ABI1: variants seen among roughly 807,000 people sequenced by gnomAD.
The protein encoded by ABI1 is Abelson interactor 1.
In ABI1, 14 loss-of-function variants were observed where a neutral mutation model predicts 54.6. The ratio of observed to expected loss-of-function variants is 0.26; its 90% CI spans 0.17 to 0.40. The LOEUF (loss-of-function observed/expected upper bound fraction) is 0.40, where lower values mean the gene tolerates loss of function less well. Ranked by LOEUF, ABI1 falls within the 10% of genes least tolerant of loss-of-function variation. ABI1 has a pLI of 1.00. For missense variants in ABI1, 443 were observed against 598.3 expected, an observed-to-expected ratio of 0.74 and a Z score of 2.71; for synonymous variants, 194 against 209.3, an observed-to-expected ratio of 0.93 and a Z score of 0.63.
chr10:26,758,172 G>A (rs1238959404), intron 8 of ABI1, among the ~76,000 whole-genome samples: 1 of 149,994 alleles, frequency 6.7e-6, no homozygotes, highest in Non-Finnish European at 1.5e-5. Context: ...AACCTCCTAT[G>A]TAAATATGGA....
intron 6 of ABI1, 21 bp from the exon 7 acceptor site, chr10:26,765,339 T>G (rs755178978): frequency 6.7e-7 from 1 of 1,488,014 alleles, no homozygotes; most frequent in African/African-American, 1.4e-5. Context: ...AAAAAAAAAC[T>G]GTGAAAAACC....
chr10:26,835,603 C>A (rs1049842757), intron 1 of ABI1, among the ~76,000 whole-genome samples: 2 of 142,446 alleles, frequency 1.4e-5, no homozygotes, highest in African/African-American at 5.5e-5. Flanking sequence ...TTATTCTATA[C>A]CTAATTTTAA....
At chr10:26,761,043 A>C (rs1223664630) in intron 7 of ABI1, among the ~76,000 whole-genome samples, 3 of 151,864 alleles carry the variant, frequency 2.0e-5, no homozygotes, top group Non-Finnish European at 2.9e-5. Flanking sequence ...CCTGGACTCA[A>C]GCAATCCTCC....
At chr10:26,749,954 CT>C (rs1161506955) in intron 10 of ABI1, among the ~76,000 whole-genome samples, 2 of 152,278 alleles carry the variant, frequency 1.3e-5, no homozygotes, top group African/African-American at 2.4e-5. Flanking sequence ...TGGGAATATA[CT>C]TTTTAATCCT....
chr10:26,824,088 C>CA (rs1377164394), intron 1 of ABI1, among the ~76,000 whole-genome samples: 2 of 148,884 alleles, frequency 1.3e-5, no homozygotes, highest in Non-Finnish European at 3.0e-5. Context: ...CAGTTCTACA[C>CA]AGAAAAAAAA....
At chr10:26,756,279 TC>T (rs1838295747) in intron 8 of ABI1, among the ~76,000 whole-genome samples, 1 of 152,166 alleles carries the variant, frequency 6.6e-6, no homozygotes, top group African/African-American at 2.4e-5. Context: ...TAAAGACAGT[TC>T]TTATTATATA....
intron 2 of ABI1, among the ~76,000 whole-genome samples, chr10:26,805,116 A>AT (rs1443162593): frequency 2.0e-5 from 3 of 152,170 alleles, no homozygotes; most frequent in Admixed American, 2.0e-4. Context: ...AGACGCACAA[A>AT]TTTACAGCTG....
intron 1 of ABI1, among the ~76,000 whole-genome samples, chr10:26,838,577 T>C (rs1376763623): frequency 6.6e-6 from 1 of 152,170 alleles, no homozygotes; most frequent in Non-Finnish European, 1.5e-5. Context: ...ATTGTAAGTC[T>C]AGTGGGGAAA....
intron 2 of ABI1, among the ~76,000 whole-genome samples, chr10:26,809,492 A>G (rs1344652828): frequency 1.3e-5 from 2 of 152,092 alleles, no homozygotes; most frequent in African/African-American, 4.8e-5. Context: ...AGGGAGTTTG[A>G]GGATACAGTG....
At chr10:26,837,974 G>A (rs16927341) in intron 1 of ABI1, among the ~76,000 whole-genome samples, 21,215 of 151,428 alleles carry the variant, frequency 0.14, 1,859 homozygotes, top group African/African-American at 0.25. Flanking sequence ...CACAGATGAA[G>A]GCACTAATGA....
rs1459690002 is a variant in ABI1 at position 26,823,179 on chromosome 10, G to A, written c.244C>T (p.Gln82Ter). 1 of 1,601,424 alleles carries A rather than the reference G, an allele frequency of 6.2e-7. No individual in the cohort carries two copies. The highest frequency in any genetic ancestry group is 8.5e-7 in the Non-Finnish European group (1 of 1,176,276). ...ATGGAAGACTCCATTCTCCGAAGCT[G>A]AGAGGCTTGGATATCCAGCAACTGG... Reference protein sequence around the residue: ...VLQLLDIQASQLRRMESSINH... With the variant: ...VLQLLDIQAS Residue 82 changes from glutamine to a stop codon, truncating the protein, a stop_gained, in exon 2 of 11, where the codon CAG becomes TAG. Coordinates refer to ENST00000376140, the MANE Select transcript of ABI1 (RefSeq NM_001012750.3). LOFTEE classifies it high-confidence loss of function.
At chr10:26,850,961 G>A (rs565719030) in intron 1 of ABI1, among the ~76,000 whole-genome samples, 3 of 152,170 alleles carry the variant, frequency 2.0e-5, no homozygotes, top group East Asian at 1.9e-4. Flanking sequence ...GAGAATAATG[G>A]GCCAGAGAGT....
Position 26,747,826 on chromosome 10 carries a change from T to C in ABI1, c.*744A>G, listed in dbSNP as rs1401913121. 1 of 192,958 alleles carries C rather than the reference T, an allele frequency of 5.2e-6. No individual in the cohort carries two copies. The highest frequency in any genetic ancestry group is 8.3e-5 in the East Asian group (1 of 12,094). 12.0% of individuals were successfully genotyped at this position (192,958 alleles called of 1,614,324 possible). A position where few individuals can be genotyped will look rare whatever the true frequency, so the allele number is the denominator to read the frequency against. ...AGAATCATAATTCTGCAATAAATCA[T>C]TATCTTTTATTTTTTTTAAAGCAAA... On this transcript the variant is annotated 3_prime_UTR_variant, in exon 11 of 11. Transcript: ENST00000376140.
At chr10:26,839,605 A>G in intron 1 of ABI1, 1 of 582,330 alleles carries the variant, frequency 1.7e-6, no homozygotes. Context: ...CACTGTCACA[A>G]TCAGCACCAC....
intron 9 of ABI1, among the ~76,000 whole-genome samples, chr10:26,753,516 C>T (rs1031082715): frequency 3.0e-4 from 46 of 152,168 alleles, no homozygotes; most frequent in African/African-American, 1.1e-3. Context: ...CAAATTATGG[C>T]GAAGGAAGTC....
chr10:26,758,987 A>G (rs1838737906), intron 8 of ABI1, 75 bp downstream of exon 8: 1 of 1,393,886 alleles, frequency 7.2e-7, no homozygotes, highest in Non-Finnish European at 9.8e-7. Flanking sequence ...TATCACTGGC[A>G]AGAATAACAG....
intron 7 of ABI1, among the ~76,000 whole-genome samples, chr10:26,761,343 AG>A (rs1263635183): frequency 2.0e-5 from 3 of 152,064 alleles, no homozygotes; most frequent in Admixed American, 6.6e-5. Context: ...CAAGAACAAA[AG>A]CCAATCATTT....
intron 1 of ABI1, among the ~76,000 whole-genome samples, chr10:26,853,904 A>C (rs944069809): frequency 2.6e-5 from 4 of 152,152 alleles, no homozygotes; most frequent in Non-Finnish European, 5.9e-5. Context: ...TCTGCACAAT[A>C]TCCTAGAGTT....
intron 2 of ABI1, chr10:26,788,931 A>C (rs1343386352): frequency 1.3e-5 from 2 of 150,512 alleles, no homozygotes; most frequent in African/African-American, 4.8e-5. Context: ...AAAAAAAAAA[A>C]AAAAAGATAC....
Sources: allele counts gnomAD v4.1 joint callset (sites outside exome capture counted in the v4.1 genomes callset), GRCh38; gene constraint gnomAD v4.1.1; transcripts MANE v1.5; gene names NCBI Gene and HGNC (gene_info 2026-07-23, HGNC 2026-07-21).